Variants in WDR27 observed in about 807,000 individuals in gnomAD.
WDR27 encodes WD repeat-containing protein 27.
In WDR27, 100 loss-of-function variants were observed where a neutral mutation model predicts 114.4. The ratio of observed to expected loss-of-function variants is 0.87; its 90% CI spans 0.74 to 1.03. WDR27 has a LOEUF of 1.03. WDR27 is among the 50% of genes least tolerant of loss of function. The pLI is 0.00. For synonymous variants in WDR27, 449 were observed against 423.1 expected (o/e 1.06, Z -0.75); for missense variants, 1,129 against 1,092.9 (o/e 1.03, Z -0.47).
At chr6:169,471,218 C>T (rs904429623) in intron 25 of WDR27, among the ~76,000 whole-genome samples, 4 of 151,858 alleles carry the variant, frequency 2.6e-5, no homozygotes, top group African/African-American at 9.7e-5. Context: ...AAGAAATCAG[C>T]GTCAGGTCTA....
chr6:169,458,451 A>G (rs1401937554), intron 25 of WDR27, among the ~76,000 whole-genome samples: 2 of 150,592 alleles, frequency 1.3e-5, no homozygotes, highest in Admixed American at 6.6e-5. Context: ...CCCTCCTTCA[A>G]TTTTCTCTTC....
chr6:169,669,562 C>G (rs1778159814), intron 4 of WDR27: 1 of 152,184 alleles, frequency 6.6e-6, no homozygotes, highest in Non-Finnish European at 1.5e-5. Flanking sequence ...TAATTCTTTG[C>G]ACATTAATGG....
At chr6:169,585,183 AT>A (rs1239587953) in intron 23 of WDR27, among the ~76,000 whole-genome samples, 2 of 152,226 alleles carry the variant, frequency 1.3e-5, no homozygotes, top group Non-Finnish European at 2.9e-5. Context: ...GCCTAAAATC[AT>A]AAAACTCCTA....
intron 25 of WDR27, among the ~76,000 whole-genome samples, chr6:169,465,597 T>C (rs1583589667): frequency 1.3e-5 from 2 of 152,376 alleles, no homozygotes; most frequent in South Asian, 2.1e-4. Flanking sequence ...TCTACACTTA[T>C]GTTTATAGCA....
rs537011949 is a variant in WDR27, at chr6:169,458,296, C to T, written c.2646-662G>A. ...GCACCCATCCTCCAAATGTCAGGGA[C>T]CTGTTCTCTGATCAGCGATGGATGC... On this transcript the variant is annotated intron_variant, in intron 25 of 25. Coordinates refer to ENST00000448612, the MANE Select transcript of WDR27 (RefSeq NM_182552.5). Among the ~76,000 whole-genome samples, 4 of 152,278 alleles carry T rather than the reference C, an allele frequency of 2.6e-5. No homozygotes were observed. The East Asian group carries it at 7.7e-4, about 29-fold the overall frequency.
chr6:169,459,769 C>A (rs1282442725), intron 25 of WDR27, among the ~76,000 whole-genome samples: 1 of 152,054 alleles, frequency 6.6e-6, no homozygotes, highest in Non-Finnish European at 1.5e-5. Context: ...ACTTTGCAGA[C>A]CACAAGGCAA....
chr6:169,658,247 T>TC, intron 13 of WDR27, 29 bp downstream of exon 13: 1 of 1,562,152 alleles, frequency 6.4e-7, no homozygotes, highest in Non-Finnish European at 8.7e-7. Flanking sequence ...AGCCTTGTAT[T>TC]CTTAGATCTC....
chr6:169,578,875 C>T (rs939655074), intron 24 of WDR27, among the ~76,000 whole-genome samples: 7 of 152,180 alleles, frequency 4.6e-5, no homozygotes, highest in African/African-American at 1.7e-4. Flanking sequence ...AAGATGTCTA[C>T]AGCCTGATAG....
At chr6:169,566,196 T>G (rs1800455850) in intron 25 of WDR27, among the ~76,000 whole-genome samples, 2 of 152,116 alleles carry the variant, frequency 1.3e-5, no homozygotes, top group Admixed American at 1.3e-4. Context: ...AATAAAACAT[T>G]TTGTAGCGTA....
intron 25 of WDR27, among the ~76,000 whole-genome samples, chr6:169,488,669 T>C (rs2865091): frequency 0.092 from 13,990 of 152,272 alleles, 679 homozygotes; most frequent in African/African-American, 0.12. Context: ...ATTTTCCCTT[T>C]TCCTAACTTT....
At chr6:169,515,353 C>T (rs1187969318) in intron 25 of WDR27, among the ~76,000 whole-genome samples, 1 of 151,940 alleles carries the variant, frequency 6.6e-6, no homozygotes, top group Non-Finnish European at 1.5e-5. Flanking sequence ...GGAATGTGTG[C>T]CTTTAAAATT....
the WDR27 span, among the ~76,000 whole-genome samples, chr6:169,440,735 C>T: frequency 6.6e-6 from 1 of 152,094 alleles, no homozygotes; most frequent in East Asian, 1.9e-4. Flanking sequence ...TTCTTAAGTC[C>T]ACCTGTTGGG....
At chr6:169,544,795 A>C (rs1168808435) in intron 25 of WDR27, among the ~76,000 whole-genome samples, 9 of 152,224 alleles carry the variant, frequency 5.9e-5, no homozygotes, top group Admixed American at 5.9e-4. Context: ...TTTAAAACAC[A>C]GTATTATTTA....
intron 1 of WDR27, among the ~76,000 whole-genome samples, chr6:169,698,979 G>A (rs115148532): frequency 4.8e-4 from 73 of 152,354 alleles, no homozygotes; most frequent in African/African-American, 1.7e-3. Context: ...ATGTTGCTGA[G>A]TGACTGAGTG....
At chr6:169,434,816 C>G in the WDR27 span, among the ~76,000 whole-genome samples, 1 of 152,236 alleles carries the variant, frequency 6.6e-6, no homozygotes, top group Non-Finnish European at 1.5e-5. Flanking sequence ...AAAGAAAACA[C>G]ACTTTCTGGG....
At chr6:169,583,301 G>A (rs67853002) in intron 23 of WDR27, among the ~76,000 whole-genome samples, 1,730 of 20,972 alleles carry the variant, frequency 0.082, 114 homozygotes, top group East Asian at 0.36. Flanking sequence ...AAATTGAATG[G>A]AAAAAAAAAA....
At chr6:169,547,783 T>G (rs949431227) in intron 25 of WDR27, among the ~76,000 whole-genome samples, 1 of 152,046 alleles carries the variant, frequency 6.6e-6, no homozygotes, top group Non-Finnish European at 1.5e-5. Context: ...CTTTTCAACA[T>G]TATACTGGAA....
intron 1 of WDR27, among the ~76,000 whole-genome samples, chr6:169,695,950 G>A (rs940826514): frequency 6.6e-6 from 1 of 152,136 alleles, no homozygotes; most frequent in Non-Finnish European, 1.5e-5. Context: ...CCTAGAAGCT[G>A]GAAAAGGCAC....
chr6:169,624,880 G>A (rs1477816816), intron 21 of WDR27, among the ~76,000 whole-genome samples: 1 of 152,194 alleles, frequency 6.6e-6, no homozygotes, highest in Non-Finnish European at 1.5e-5. Flanking sequence ...CAGGAACACA[G>A]GTTCCCTTGA....
Sources: allele counts gnomAD v4.1 joint callset (sites outside exome capture counted in the v4.1 genomes callset), GRCh38; gene constraint gnomAD v4.1.1; transcripts MANE v1.5; gene names NCBI Gene and HGNC (gene_info 2026-07-23, HGNC 2026-07-21).